GRID2: variants seen among roughly 807,000 people sequenced by gnomAD.
GRID2 encodes glutamate ionotropic receptor delta type subunit 2, also known as glutamate receptor ionotropic, delta-2.
A neutral mutation model predicts 114.8 loss-of-function variants in GRID2; 33 were observed. The ratio of observed to expected loss-of-function variants is 0.29; its 90% confidence interval spans 0.22 to 0.38. The LOEUF (loss-of-function observed/expected upper bound fraction) is 0.38. GRID2 is among the 10% of genes least tolerant of loss of function. GRID2 has a pLI of 1.00. For synonymous variants in GRID2, 505 were observed against 449.9 expected (o/e 1.12, Z -1.55); for missense variants, 1,184 against 1,257.7 (o/e 0.94, Z 0.89).
chr4:92,817,177 C>G (rs914169385), intron 2 of GRID2, among the ~76,000 whole-genome samples: 4 of 152,110 alleles, frequency 2.6e-5, no homozygotes, highest in Admixed American at 2.6e-4. Flanking sequence ...TTTCCTTCCT[C>G]ATATTCACCC....
intron 1 of GRID2, among the ~76,000 whole-genome samples, chr4:92,350,508 A>T (rs1034876070): frequency 2.0e-5 from 3 of 151,738 alleles, no homozygotes; most frequent in Non-Finnish European, 4.4e-5. Flanking sequence ...GGGTAACATA[A>T]TATATGTATA....
At chr4:93,611,449 T>C (rs1740901592) in intron 13 of GRID2, among the ~76,000 whole-genome samples, 1 of 123,604 alleles carries the variant, frequency 8.1e-6, no homozygotes, top group African/African-American at 3.6e-5. Context: ...CTTGTAGGCA[T>C]TTAGTGCTAT....
At chr4:92,791,265 T>C (rs1161772349) in intron 2 of GRID2, among the ~76,000 whole-genome samples, 1 of 151,732 alleles carries the variant, frequency 6.6e-6, no homozygotes, top group Non-Finnish European at 1.5e-5. Context: ...TTCAGCCTTA[T>C]TACTTCCCGC....
At chr4:93,060,790 T>A (rs574931654) in intron 2 of GRID2, among the ~76,000 whole-genome samples, 1 of 152,258 alleles carries the variant, frequency 6.6e-6, no homozygotes, top group South Asian at 2.1e-4. Flanking sequence ...GAAAGTATGT[T>A]ATGCAACAGG....
At chr4:92,575,144 G>A (rs752475139) in intron 1 of GRID2, among the ~76,000 whole-genome samples, 23 of 152,194 alleles carry the variant, frequency 1.5e-4, no homozygotes, top group Admixed American at 3.9e-4. Flanking sequence ...TTCTTGTAGT[G>A]TGTTTTTCAG....
intron 2 of GRID2, among the ~76,000 whole-genome samples, chr4:93,059,128 A>G (rs2149290468): frequency 6.6e-6 from 1 of 152,232 alleles, no homozygotes; most frequent in Admixed American, 6.6e-5. Context: ...AAATGTATCA[A>G]TCAGGTTAAT....
intron 2 of GRID2, among the ~76,000 whole-genome samples, chr4:93,072,253 GT>G (rs1464916256): frequency 1.3e-5 from 2 of 151,976 alleles, no homozygotes; most frequent in African/African-American, 4.8e-5. Context: ...AGAGGGACAA[GT>G]ACTTTCAAAG....
At chr4:92,609,880 AAG>A in intron 2 of GRID2, among the ~76,000 whole-genome samples, 1 of 151,838 alleles carries the variant, frequency 6.6e-6, no homozygotes, top group African/African-American at 2.4e-5. Context: ...TGATCTTGAA[AAG>A]AGAGCCAGTG....
intron 2 of GRID2, among the ~76,000 whole-genome samples, chr4:92,859,156 C>T (rs1427338748): frequency 6.6e-6 from 1 of 151,996 alleles, no homozygotes; most frequent in Non-Finnish European, 1.5e-5. Context: ...TTGCCTCAGC[C>T]CCCCAACCTT....
intron 6 of GRID2, among the ~76,000 whole-genome samples, chr4:93,223,907 C>T (rs1745178502): frequency 6.6e-6 from 1 of 151,994 alleles, no homozygotes; most frequent in African/African-American, 2.4e-5. Context: ...ATTTTTCAAT[C>T]TATGTAGAAA....
At chr4:93,351,589 C>A (rs17020486) in intron 8 of GRID2, among the ~76,000 whole-genome samples, 8,681 of 152,068 alleles carry the variant, frequency 0.057, 270 homozygotes, top group African/African-American at 0.075. Flanking sequence ...ACAATCAGAA[C>A]TTTGTTTCAT....
chr4:93,772,451 C>G lies in GRID2; in HGVS notation c.2977C>G (p.Leu993Val). ...TATTCCTTATCAACCAACTCCTACC[C>G]TGGGGCTCAATCTGGGTAATGATCC... ...SSIPYQPTPTLGLNLGNDPDR... is the reference protein window; with the variant it reads ...SSIPYQPTPTVGLNLGNDPDR... The change falls in exon 16 of 16, where the codon CTG becomes GTG. Residue 993 changes from leucine to valine, a missense_variant. This residue lies in a region of GRID2 where 717 missense variants were observed against 796.9 expected (regional missense o/e 0.90). Transcript: ENST00000282020. 1 of 1,611,232 alleles carries G rather than the reference C, an allele frequency of 6.2e-7. No individual in the cohort carries two copies. Among genetic ancestry groups the G allele is most frequent in the South Asian group, 1.1e-5 (1 of 90,754 alleles).
chr4:93,429,324 A>T (rs913130552), intron 10 of GRID2, among the ~76,000 whole-genome samples: 74 of 152,212 alleles, frequency 4.9e-4, no homozygotes, highest in African/African-American at 1.7e-3. Flanking sequence ...AAAACAGGTA[A>T]TGATCAGTAC....
intron 2 of GRID2, among the ~76,000 whole-genome samples, chr4:93,021,862 A>C (rs1386704345): frequency 6.8e-6 from 1 of 147,992 alleles, no homozygotes; most frequent in Non-Finnish European, 1.5e-5. Flanking sequence ...ATATTATAAC[A>C]ATATTATTTT....
intron 12 of GRID2, among the ~76,000 whole-genome samples, chr4:93,503,284 G>GT (rs1194274717): frequency 1.3e-5 from 2 of 151,894 alleles, no homozygotes; most frequent in African/African-American, 4.8e-5. Context: ...GAAGACTTAG[G>GT]TTCAAGTCTC....
chr4:93,200,528 T>C (rs1402034826), intron 4 of GRID2, among the ~76,000 whole-genome samples: 2 of 151,712 alleles, frequency 1.3e-5, no homozygotes, highest in African/African-American at 2.4e-5. Flanking sequence ...ATCGCGCCAC[T>C]GCACTCCAGC....
At chr4:92,814,773 C>T (rs896861463) in intron 2 of GRID2, among the ~76,000 whole-genome samples, 8 of 152,054 alleles carry the variant, frequency 5.3e-5, no homozygotes, top group Non-Finnish European at 7.4e-5. Context: ...TGCTGGGCTT[C>T]GGAACTCACT....
At chr4:92,382,472 A>G (rs979611624) in intron 1 of GRID2, among the ~76,000 whole-genome samples, 1 of 152,014 alleles carries the variant, frequency 6.6e-6, no homozygotes, top group Non-Finnish European at 1.5e-5. Context: ...TACATATTAT[A>G]TTTGTGATTT....
chr4:92,650,410 C>T (rs1731868352), intron 2 of GRID2, among the ~76,000 whole-genome samples: 1 of 152,020 alleles, frequency 6.6e-6, no homozygotes, highest in African/African-American at 2.4e-5. Context: ...AGTTTTCAAT[C>T]ACCTTAATCA....
Sources: gnomAD v4.1 joint callset for allele counts (sites outside exome capture counted in the v4.1 genomes callset) on GRCh38, gnomAD v4.1.1 for gene constraint, gnomAD v4.1.1 regional missense constraint, MANE v1.5 for transcripts, NCBI Gene and HGNC (gene_info 2026-07-23, HGNC 2026-07-21) for gene names.